The following SCNN1B variants were observed in gnomAD, a reference collection of about 807,000 sequenced individuals.
SCNN1B encodes the protein epithelial sodium channel subunit beta.
In SCNN1B, 46 loss-of-function variants were observed where a neutral mutation model predicts 65.3. That is an observed-to-expected ratio of 0.70 (90% confidence interval 0.56 to 0.90). The LOEUF is 0.90. SCNN1B is among the 40% of genes least tolerant of loss of function. SCNN1B has a pLI of 0.00. For synonymous variants in SCNN1B, 349 were observed against 330.6 expected (o/e 1.06, Z -0.60); for missense variants, 751 against 830.5 (o/e 0.90, Z 1.18).
At chr16:23,379,223 C>T (rs1266371076) in intron 11 of SCNN1B, among the ~76,000 whole-genome samples, 1 of 151,058 alleles carries the variant, frequency 6.6e-6, no homozygotes, top group African/African-American at 2.5e-5. Context: ...ATTCTCCCAC[C>T]CACGCACCCA....
rs1475808535 is a variant in SCNN1B at position 23,315,198 on chromosome 16, G to A, written c.-9+12761G>A. ...ACTAAAAATGTAAAATTAGCTAGGT[G>A]TGATGGTGCATGCCTGTAGTCCCAG... On this transcript the variant is annotated intron_variant, in intron 1 of 12. Transcript: ENST00000343070. Among the ~76,000 whole-genome samples, 4 of 152,142 alleles carry A rather than the reference G, an allele frequency of 2.6e-5. No individual in the cohort carries two copies. In the South Asian group the frequency reaches 6.2e-4, roughly 24 times the overall value.
rs572758958 is a variant in SCNN1B at position 23,348,541 on chromosome 16, G to C, written c.-8-51G>C. On this transcript the variant is annotated intron_variant, in intron 1 of 12. Transcript: ENST00000343070. This position sits in a 1 kb window ranked among gnomAD's most constrained non-coding sequence, Gnocchi z 4.5. The stretch of plus-strand genomic sequence containing the variant: ...TCCTGGACGTGACTGGGACATCCTC[G>C]CAGGCAAGGCTGGTGTCCCAGCTGA... 6.3e-7 allele frequency: 1 copy of C among 1,587,980 alleles called. No homozygotes were observed. The highest frequency in any genetic ancestry group is 1.3e-5 in the African/African-American group (1 of 74,526).
chr16:23,299,780 T>A (rs1393831608), upstream of SCNN1B, among the ~76,000 whole-genome samples: 1 of 152,200 alleles, frequency 6.6e-6, no homozygotes, highest in Non-Finnish European at 1.5e-5. Flanking sequence ...GAAGACAGTA[T>A]CGCGATTCCT....
chr16:23,378,643 A>G (rs984937815), intron 10 of SCNN1B, 63 bp from the exon 11 acceptor site: 3 of 1,485,416 alleles, frequency 2.0e-6, no homozygotes, highest in Non-Finnish European at 2.8e-6. Context: ...CCCAGGGAAC[A>G]GAGCCATGAC....
chr16:23,314,252 T>C (rs1961404587), intron 1 of SCNN1B, among the ~76,000 whole-genome samples: 2 of 152,116 alleles, frequency 1.3e-5, no homozygotes, highest in Non-Finnish European at 2.9e-5. Flanking sequence ...GGTCTTGAAC[T>C]CCTGGGCTCA....
intron 8 of SCNN1B, 123 bp from the exon 9 acceptor site, chr16:23,377,042 C>T (rs1962913168): frequency 3.5e-6 from 3 of 866,796 alleles, no homozygotes; most frequent in Non-Finnish European, 1.9e-6. Context: ...TTCATGACAC[C>T]TCCTCCTGCC....
In SCNN1B at chr16:23,380,054, G is replaced by C; in HGVS notation, c.1467-40G>C. ...TGTGTGTGTCTGTCTGTTTGGAAGG[G>C]GGATACATTAGTCCCGGCCCTTCTC... On this transcript the variant is annotated intron_variant, in intron 11 of 12. Transcript: ENST00000343070. The surrounding 1 kb of genome is among the most constrained non-coding windows in gnomAD (Gnocchi z 5.4). 4 of 1,465,634 alleles carry C rather than the reference G, an allele frequency of 2.7e-6. No homozygotes were observed. The highest frequency in any genetic ancestry group is 3.8e-6 in the Non-Finnish European group (4 of 1,044,830). The allele number at this position is 1,465,634 out of a possible 1,614,324, so 90.8% of individuals were successfully genotyped here.
chr16:23,341,484 T>G (rs966081723), intron 1 of SCNN1B, among the ~76,000 whole-genome samples: 4 of 152,140 alleles, frequency 2.6e-5, no homozygotes, highest in Non-Finnish European at 5.9e-5. Flanking sequence ...AAAACTTTTG[T>G]TCTTCAAAGG....
rs115817963 is a variant in SCNN1B at position 23,321,261 on chromosome 16, C to A, written c.-9+18824C>A. On this transcript the variant is annotated intron_variant, in intron 1 of 12. Transcript: ENST00000343070. ...TTCACCATGTTGGCCAGGCTGATCT[C>A]GAACTCTTACCCTCAAGTGATCCAC... is the stretch of plus-strand genomic sequence containing the variant. 8.2e-3 allele frequency among the ~76,000 whole-genome samples: 1,251 copies of A among 152,276 alleles called. 14 individuals carry two copies. Among genetic ancestry groups the A allele is most frequent in the African/African-American group, 0.029 (1,199 of 41,550 alleles).
intron 7 of SCNN1B, chr16:23,372,097 G>C (rs1166326330): frequency 1.6e-6 from 1 of 612,798 alleles, no homozygotes; most frequent in Non-Finnish European, 2.9e-6. Context: ...CACATTGGCA[G>C]GTGTACCCCT....
intron 10 of SCNN1B, among the ~76,000 whole-genome samples, 188 bp downstream of exon 10, chr16:23,377,574 C>CCTTCCTTCATTCCTTCTCCCTT (rs1962929014): frequency 8.0e-6 from 1 of 125,062 alleles, no homozygotes; most frequent in Middle Eastern, 3.8e-3. Context: ...CCTCTCTTTT[C>CCTTCCTTCATTCCTTCTCCCTT]CCTTCCTCCC....
At chr16:23,371,583 C>A in intron 6 of SCNN1B, 121 bp downstream of exon 6, 2 of 1,185,524 alleles carry the variant, frequency 1.7e-6, no homozygotes, top group East Asian at 5.0e-5. Flanking sequence ...GCCTTCCTTC[C>A]TTTTGGCTGG....
chr16:23,332,852 C>T (rs3096176), intron 1 of SCNN1B, among the ~76,000 whole-genome samples: 29,622 of 151,770 alleles, frequency 0.2, 3,275 homozygotes, highest in Middle Eastern at 0.31. Flanking sequence ...CAGTGGATTA[C>T]GAGGTCAGGA....
At chr16:23,310,788 T>A (rs1233932396) in intron 1 of SCNN1B, among the ~76,000 whole-genome samples, 2 of 152,386 alleles carry the variant, frequency 1.3e-5, no homozygotes, top group Non-Finnish European at 2.9e-5. Context: ...TACATTGAAT[T>A]CACACAGATG....
chr16:23,287,837 T>G (rs1596806544), intron 2 of SCNN1B, among the ~76,000 whole-genome samples: 4 of 145,178 alleles, frequency 2.8e-5, no homozygotes, highest in African/African-American at 5.2e-5. Context: ...AGAGATGGGG[T>G]CTCGCTATGT....
intron 4 of SCNN1B, among the ~76,000 whole-genome samples, chr16:23,356,185 G>T (rs966476438): frequency 1.3e-5 from 2 of 152,170 alleles, no homozygotes; most frequent in Admixed American, 1.3e-4. Context: ...CTGGGGGTGG[G>T]TGCACCAGCC....
At chr16:23,297,688 A>T (rs1239972985), upstream of SCNN1B, among the ~76,000 whole-genome samples, 1 of 152,210 alleles carries the variant, frequency 6.6e-6, no homozygotes, top group Non-Finnish European at 1.5e-5. Flanking sequence ...AGTTAATCTG[A>T]CTTGGGTCAT....
intron 2 of SCNN1B, among the ~76,000 whole-genome samples, chr16:23,289,507 C>T (rs1960893646): frequency 6.6e-6 from 1 of 151,666 alleles, no homozygotes; most frequent in East Asian, 1.9e-4. Context: ...GCTGTGGTCA[C>T]ATCACTGCAC....
chr16:23,282,686 G>T (rs114983637), intron 1 of SCNN1B, among the ~76,000 whole-genome samples: 4,952 of 152,248 alleles, frequency 0.033, 240 homozygotes, highest in African/African-American at 0.11. Flanking sequence ...CCACTAGTGT[G>T]CCATGTCAGT....
Sources: allele counts gnomAD v4.1 joint callset (sites outside exome capture counted in the v4.1 genomes callset), GRCh38; gene constraint gnomAD v4.1.1; non-coding constraint Gnocchi (gnomAD v3.1); transcripts MANE v1.5; gene names NCBI Gene and HGNC (gene_info 2026-07-23, HGNC 2026-07-21).